PCGF5: variants seen among roughly 807,000 people sequenced by gnomAD.
PCGF5 encodes the protein polycomb group RING finger protein 5.
In PCGF5, 9 loss-of-function variants were observed where a neutral mutation model predicts 44.3. That is an observed-to-expected ratio of 0.20 (90% CI 0.12 to 0.35). PCGF5 has a LOEUF of 0.35. PCGF5 is among the 10% of genes least tolerant of loss of function. The probability of loss-of-function intolerance (pLI) is 1.00; values close to 1 mark genes in which losing one functional copy is unlikely to be tolerated. For synonymous variants in PCGF5, 95 were observed against 102.5 expected, an observed-to-expected ratio of 0.93 and a Z score of 0.44; for missense variants, 146 against 305.3, an observed-to-expected ratio of 0.48 and a Z score of 3.89.
chr10:91,205,290 G>GACACACAC (rs55858066), intron 1 of PCGF5, among the ~76,000 whole-genome samples: 9 of 149,324 alleles, frequency 6.0e-5, no homozygotes, highest in African/African-American at 2.2e-4. Context: ...TAAATGACTG[G>GACACACAC]ACACACACAC....
At chr10:91,191,619 T>C (rs1488612137) in intron 1 of PCGF5, among the ~76,000 whole-genome samples, 12 of 152,138 alleles carry the variant, frequency 7.9e-5, no homozygotes, top group Non-Finnish European at 4.4e-5. Context: ...CCATAAGCTT[T>C]TTGGTTTCTT....
In PCGF5 at chr10:91,251,416, G is replaced by A; in HGVS notation, c.450G>A (p.Gly150=). 6.2e-7 allele frequency: 1 copy of A among 1,611,136 alleles called. No homozygotes were observed. The highest frequency in any genetic ancestry group is 1.3e-5 in the African/African-American group (1 of 74,862). ...AICLDCLRNN[G]QSGDNVVKGL... The stretch of plus-strand genomic sequence containing the variant: ...GTCTAGATTGTTTACGAAATAATGG[G>A]CAATCAGGGGACAATGTAGTAAAGG... The change falls in exon 6 of 10, where the codon GGG becomes GGA. Residue 150 remains glycine, a synonymous_variant. Transcript: ENST00000336126.
At chr10:91,165,303 A>C (rs1187702357) in intron 1 of PCGF5, among the ~76,000 whole-genome samples, 1 of 152,230 alleles carries the variant, frequency 6.6e-6, no homozygotes, top group Non-Finnish European at 1.5e-5. Context: ...CTGGATGATT[A>C]AAAATATTAT....
At chr10:91,192,758 A>G (rs894450475) in intron 1 of PCGF5, among the ~76,000 whole-genome samples, 2 of 152,218 alleles carry the variant, frequency 1.3e-5, no homozygotes, top group African/African-American at 4.8e-5. Context: ...AAAATAGAGC[A>G]CAGAAAGGAG....
intron 1 of PCGF5, among the ~76,000 whole-genome samples, chr10:91,166,203 G>C (rs1843496523): frequency 6.6e-6 from 1 of 152,206 alleles, no homozygotes; most frequent in Non-Finnish European, 1.5e-5. Context: ...TCCTGAATTA[G>C]CCAGAGCTGC....
chr10:91,273,401 G>T (rs753856005), intron 9 of PCGF5, among the ~76,000 whole-genome samples: 9 of 152,178 alleles, frequency 5.9e-5, no homozygotes, highest in Non-Finnish European at 1.0e-4. Context: ...TAGAAATGAA[G>T]ATGTCCTTAA....
intron 9 of PCGF5, among the ~76,000 whole-genome samples, chr10:91,277,414 A>G (rs56693041): frequency 0.13 from 19,787 of 152,118 alleles, 2,391 homozygotes; most frequent in African/African-American, 0.32. Context: ...TTTAAGAGAG[A>G]GTATCTACAG....
Position 91,165,065 on chromosome 10 carries a change from T to C in PCGF5, c.-184+1984T>C, listed in dbSNP as rs890762404. 2.0e-5 allele frequency among the ~76,000 whole-genome samples: 3 copies of C among 152,214 alleles called. No individual in the cohort carries two copies. The East Asian group carries it at 5.8e-4, about 29-fold the overall frequency. ...TTTTCCAGATTTCTTGGTAGGACTG[T>C]TTTTGACAGTTGAAATTCAGTGCTT... is the stretch of plus-strand genomic sequence containing the variant. On this transcript the variant is annotated intron_variant, in intron 1 of 9. Coordinates refer to the PCGF5 transcript ENST00000614189.
Position 91,222,817 on chromosome 10 carries a change from C to T in PCGF5, c.-55C>T. The T allele has an allele frequency of 9.6e-7, 1 of 1,043,112 alleles. No individual in the cohort carries two copies. The highest frequency in any genetic ancestry group is 1.5e-6 in the Non-Finnish European group (1 of 674,354). The allele number at this position is 1,043,112 out of a possible 1,614,324, so 64.6% of individuals were successfully genotyped here. ...CCAGCTCCTGGGATCAGACTTTCAT[C>T]TACTTAGGACCCCTCTTTGCCCAGA... On this transcript the variant is annotated 5_prime_UTR_variant, in exon 2 of 10. Coordinates refer to ENST00000336126, the MANE Select transcript of PCGF5 (RefSeq NM_032373.5).
At chr10:91,181,220 TG>T (rs1244967059) in intron 1 of PCGF5, among the ~76,000 whole-genome samples, 17 of 152,266 alleles carry the variant, frequency 1.1e-4, no homozygotes, top group Non-Finnish European at 7.3e-5. Flanking sequence ...TTCTGAGGTT[TG>T]CTGAAGTTAT....
intron 1 of PCGF5, among the ~76,000 whole-genome samples, chr10:91,189,356 G>A (rs1022836938): frequency 1.3e-5 from 2 of 152,176 alleles, no homozygotes; most frequent in African/African-American, 4.8e-5. Context: ...ACTCAGCAAA[G>A]GCAGGGAGGT....
In PCGF5 at chr10:91,213,987, A is replaced by T. The variant is rs12772455; in HGVS notation, c.-183-8702A>T. Among the ~76,000 whole-genome samples the T allele has an allele frequency of 5.1e-3, 777 of 152,282 alleles. 10 individuals are homozygous for T. The highest frequency in any genetic ancestry group is 0.017 in the Middle Eastern group (5 of 294). On this transcript the variant is annotated intron_variant, in intron 1 of 9. Transcript: ENST00000614189. ...TATAATCAGTTTGGGCTCTTAATTC[A>T]GTAAGACTCATGTCCTTATAAGAAG...
At chr10:91,250,226 A>C (rs939564588) in intron 5 of PCGF5, among the ~76,000 whole-genome samples, 5 of 151,958 alleles carry the variant, frequency 3.3e-5, no homozygotes, top group African/African-American at 1.2e-4. Flanking sequence ...GGAGAAGAAA[A>C]CATGTAGAAA....
intron 1 of PCGF5, among the ~76,000 whole-genome samples, chr10:91,209,333 C>T (rs1844405544): frequency 6.6e-6 from 1 of 152,074 alleles, no homozygotes; most frequent in Non-Finnish European, 1.5e-5. Context: ...TGGGGCTGGG[C>T]ACAGTGGCAC....
At chr10:91,185,771 G>T (rs1354382655) in intron 1 of PCGF5, among the ~76,000 whole-genome samples, 2 of 152,192 alleles carry the variant, frequency 1.3e-5, no homozygotes, top group African/African-American at 4.8e-5. Context: ...TGGGGCAAGT[G>T]TGGTTTCCTT....
upstream of PCGF5, among the ~76,000 whole-genome samples, chr10:91,158,450 T>C (rs532154339): frequency 1.3e-5 from 2 of 152,148 alleles, no homozygotes; most frequent in East Asian, 1.9e-4. Context: ...AGGGATTCCT[T>C]TGGTATTTGG....
intron 6 of PCGF5, among the ~76,000 whole-genome samples, chr10:91,257,932 A>G (rs1024001792): frequency 1.3e-5 from 2 of 152,186 alleles, no homozygotes; most frequent in Admixed American, 1.3e-4. Context: ...TGAATGGAAA[A>G]GCAGAATGAA....
chr10:91,257,825 G>C (rs933892150), intron 6 of PCGF5, among the ~76,000 whole-genome samples: 1 of 152,056 alleles, frequency 6.6e-6, no homozygotes, highest in African/African-American at 2.4e-5. Flanking sequence ...TAAAAGAATT[G>C]AAAACATGTT....
At chr10:91,224,418 G>T (rs1382920206) in intron 2 of PCGF5, among the ~76,000 whole-genome samples, 1 of 152,038 alleles carries the variant, frequency 6.6e-6, no homozygotes, top group East Asian at 1.9e-4. Context: ...ACTGTGCTGG[G>T]GCATGAGATA....
Sources: allele counts gnomAD v4.1 joint callset (sites outside exome capture counted in the v4.1 genomes callset), GRCh38; gene constraint gnomAD v4.1.1; transcripts MANE v1.5; gene names NCBI Gene and HGNC (gene_info 2026-07-23, HGNC 2026-07-21).